Variants in LOXL2 observed in about 807,000 individuals in gnomAD.
LOXL2 encodes the protein lysyl oxidase like 2, also known as lysyl oxidase homolog 2.
In LOXL2, 70 loss-of-function variants were observed where a neutral mutation model predicts 93.0. The ratio of observed to expected loss-of-function variants is 0.75; its 90% CI spans 0.62 to 0.92. The LOEUF (loss-of-function observed/expected upper bound fraction) is 0.92, where lower values mean the gene tolerates loss of function less well. Ranked by LOEUF, LOXL2 falls within the 40% of genes least tolerant of loss-of-function variation. The pLI, the probability that LOXL2 is intolerant of heterozygous loss-of-function variation, is 0.00. For missense variants in LOXL2, 973 were observed against 1,054.9 expected, an observed-to-expected ratio of 0.92 and a Z score of 1.08; for synonymous variants, 438 against 413.2, an observed-to-expected ratio of 1.06 and a Z score of -0.73.
chr8:23,314,083 C>A (rs988483753), intron 9 of LOXL2, among the ~76,000 whole-genome samples: 7 of 151,682 alleles, frequency 4.6e-5, no homozygotes, highest in Non-Finnish European at 7.4e-5. Flanking sequence ...CAAATCAAAA[C>A]CACAATGAGA....
intron 9 of LOXL2, among the ~76,000 whole-genome samples, chr8:23,314,274 C>G (rs560515416): frequency 0.02 from 2,847 of 142,554 alleles, 82 homozygotes; most frequent in African/African-American, 0.069. Flanking sequence ...ACCATTTGAC[C>G]CAGCCATCCC....
chr8:23,336,712 G>A (rs1274690480), intron 4 of LOXL2: 1 of 152,198 alleles, frequency 6.6e-6, no homozygotes, highest in Non-Finnish European at 1.5e-5. Flanking sequence ...AGCACAGAAT[G>A]GGTTTCAGAT....
At chr8:23,313,960 ACCCC>A (rs1299394104) in intron 9 of LOXL2, among the ~76,000 whole-genome samples, 25 of 88,840 alleles carry the variant, frequency 2.8e-4, no homozygotes, top group South Asian at 6.4e-4. Flanking sequence ...GAAAAAAACA[ACCCC>A]ATCAAAAAGT....
In LOXL2 at chr8:23,316,988, C is replaced by G. The variant is rs1217680443; in HGVS notation, c.1597G>C (p.Gly533Arg). ...ACTCCGGCCCCGTACTGCACTCCGC[C>G]CTGGGGGCAGGCCACGTCCTCCCCG... The part of the protein sequence containing the change: ...HDGEDVACPQ[G>R]GVQYGAGVAC... The change falls in exon 9 of 14, where the codon GGC becomes CGC. Residue 533 changes from glycine to arginine, a missense_variant. Coordinates refer to ENST00000389131, the MANE Select transcript of LOXL2 (RefSeq NM_002318.3). The G allele has an allele frequency of 6.2e-7, 1 of 1,613,794 alleles. No individual in the cohort carries two copies. The highest frequency in any genetic ancestry group is 8.5e-7 in the Non-Finnish European group (1 of 1,179,916).
intron 6 of LOXL2, among the ~76,000 whole-genome samples, chr8:23,325,025 A>G (rs1803554552): frequency 6.6e-6 from 1 of 152,202 alleles, no homozygotes; most frequent in African/African-American, 2.4e-5. Flanking sequence ...GCATGTGGCT[A>G]TTGAGCACTT....
intron 1 of LOXL2, among the ~76,000 whole-genome samples, chr8:23,372,152 T>C (rs924252572): frequency 6.6e-6 from 1 of 152,006 alleles, no homozygotes; most frequent in Admixed American, 6.6e-5. Context: ...ATAAAATAAA[T>C]ACTCCAATTA....
chr8:23,302,270 T>C, intron 11 of LOXL2, 107 bp from the exon 12 acceptor site: 2 of 1,386,136 alleles, frequency 1.4e-6, no homozygotes, highest in Non-Finnish European at 2.0e-6. Flanking sequence ...GGGCTCGGCA[T>C]CCCACCCCAC....
chr8:23,383,485 A>G (rs1020780084), intron 1 of LOXL2, among the ~76,000 whole-genome samples: 1 of 152,134 alleles, frequency 6.6e-6, no homozygotes, highest in Non-Finnish European at 1.5e-5. Flanking sequence ...GTGAATAAAT[A>G]TAAATTTCTA....
intron 3 of LOXL2, among the ~76,000 whole-genome samples, chr8:23,345,960 C>T (rs1335229821): frequency 6.6e-6 from 1 of 151,506 alleles, no homozygotes; most frequent in Non-Finnish European, 1.5e-5. Flanking sequence ...CCCAGCTACT[C>T]GGGAGGCTGA....
At chr8:23,307,028 G>A (rs932014555) in intron 10 of LOXL2, among the ~76,000 whole-genome samples, 2 of 152,234 alleles carry the variant, frequency 1.3e-5, no homozygotes, top group Admixed American at 6.5e-5. Context: ...TCTTCCCCGA[G>A]GTAGCGTCAA....
chr8:23,309,585 C>T, intron 10 of LOXL2, 83 bp downstream of exon 10: 15 of 1,322,638 alleles, frequency 1.1e-5, no homozygotes, highest in Non-Finnish European at 1.5e-5. Flanking sequence ...CTCTAAGTGA[C>T]CCTGGCAACT....
At chr8:23,322,700 T>C (rs528423627) in intron 6 of LOXL2, among the ~76,000 whole-genome samples, 1 of 152,302 alleles carries the variant, frequency 6.6e-6, no homozygotes, top group Non-Finnish European at 1.5e-5. Context: ...ACAGATGGCA[T>C]GTACAAATTG....
chr8:23,314,611 G>A (rs1803364384), intron 9 of LOXL2, among the ~76,000 whole-genome samples: 1 of 151,218 alleles, frequency 6.6e-6, no homozygotes, highest in African/African-American at 2.4e-5. Flanking sequence ...CACGGACACA[G>A]GAAGGGGAAC....
chr8:23,300,310 G>A (rs528940138), intron 12 of LOXL2, among the ~76,000 whole-genome samples: 274 of 152,384 alleles, frequency 1.8e-3, no homozygotes, highest in Non-Finnish European at 3.0e-3. Flanking sequence ...GGGCCTGCGG[G>A]AAGTGGCTTT....
chr8:23,356,602 C>T (rs552767722), intron 3 of LOXL2, among the ~76,000 whole-genome samples: 1 of 152,294 alleles, frequency 6.6e-6, no homozygotes, highest in Admixed American at 6.5e-5. Context: ...GACCTACTTT[C>T]AGCGGCTACC....
intron 3 of LOXL2, chr8:23,341,485 T>A: frequency 2.0e-6 from 1 of 494,166 alleles, no homozygotes. Flanking sequence ...GGGCTTCTCC[T>A]ACATCCGAAC....
intron 3 of LOXL2, among the ~76,000 whole-genome samples, chr8:23,351,099 G>A (rs553423534): frequency 4.6e-5 from 7 of 152,306 alleles, no homozygotes; most frequent in South Asian, 2.1e-4. Context: ...AAGACGGTCC[G>A]TTCCATCACT....
At chr8:23,360,307 T>C in intron 2 of LOXL2, 42 bp from the exon 3 acceptor site, 1 of 1,500,832 alleles carries the variant, frequency 6.7e-7, no homozygotes, top group Non-Finnish European at 9.1e-7. Context: ...GCTGCGTCAA[T>C]GCAGGTCTGA....
Position 23,333,640 on chromosome 8 carries a change from G to A in LOXL2, c.744-17C>T, listed in dbSNP as rs73224454. On this transcript the variant is annotated splice_polypyrimidine_tract_variant and intron_variant, in intron 4 of 13. Transcript: ENST00000389131. ...GCAAACATTCTGCAGACGATGGGAG[G>A]GGACAGGGGACCAGGGCATCATGAC... 7.0e-3 allele frequency: 11,163 copies of A among 1,600,422 alleles called. 51 individuals are homozygous for A. The highest frequency in any genetic ancestry group is 8.4e-3 in the Non-Finnish European group (9,865 of 1,169,282).
Sources: gnomAD v4.1 joint callset for allele counts (sites outside exome capture counted in the v4.1 genomes callset) on GRCh38, gnomAD v4.1.1 for gene constraint, MANE v1.5 for transcripts, NCBI Gene and HGNC (gene_info 2026-07-23, HGNC 2026-07-21) for gene names.